Variants in WDR41 observed in about 807,000 individuals in gnomAD.
The protein encoded by WDR41 is WD repeat domain 41.
WDR41 carries 63 observed loss-of-function variants against 69.3 expected under a neutral mutation model. The ratio of observed to expected loss-of-function variants is 0.91; its 90% CI spans 0.74 to 1.12. WDR41 has a LOEUF of 1.12. Among genes scored for constraint, WDR41 ranks in the 50% most tolerant of loss-of-function variants. WDR41 has a pLI of 0.00. For missense variants in WDR41, 543 were observed against 534.5 expected (o/e 1.02, Z -0.16); for synonymous variants, 185 against 192.1 (o/e 0.96, Z 0.31).
At chr5:77,433,681 ACTCAATCCATAGGTGTT>A (rs1184424287) in intron 12 of WDR41, among the ~76,000 whole-genome samples, 2 of 152,192 alleles carry the variant, frequency 1.3e-5, no homozygotes, top group Non-Finnish European at 2.9e-5. Context: ...AAGTAGATAT[ACTCAATCCATAGGTGTT>A]AAGTGTCAGC....
chr5:77,477,266 G>A (rs530492305), intron 2 of WDR41, among the ~76,000 whole-genome samples: 8,046 of 150,730 alleles, frequency 0.053, 357 homozygotes, highest in Admixed American at 0.13. Flanking sequence ...ACAGATCAAC[G>A]AGACAGAAAG....
chr5:77,554,518 G>A (rs78162922), intron 1 of WDR41, among the ~76,000 whole-genome samples: 3 of 152,088 alleles, frequency 2.0e-5, no homozygotes, highest in East Asian at 1.9e-4. Context: ...CTAGGAGACA[G>A]GCCCTCTCCA....
At chr5:77,514,103 G>A (rs1478708424) in intron 1 of WDR41, among the ~76,000 whole-genome samples, 1 of 152,002 alleles carries the variant, frequency 6.6e-6, no homozygotes, top group Non-Finnish European at 1.5e-5. Flanking sequence ...AGTAATTATA[G>A]TACATTATAC....
intron 1 of WDR41, among the ~76,000 whole-genome samples, chr5:77,608,218 A>AG (rs1418908535): frequency 6.6e-6 from 1 of 152,226 alleles, no homozygotes; most frequent in African/African-American, 2.4e-5. Context: ...AATGTCCTCA[A>AG]GGTTCATCTA....
chr5:77,610,952 T>C (rs1337964483), intron 1 of WDR41, among the ~76,000 whole-genome samples: 1 of 151,976 alleles, frequency 6.6e-6, no homozygotes, highest in Non-Finnish European at 1.5e-5. Flanking sequence ...AATAAAAGGA[T>C]GGAGGAAGAT....
chr5:77,618,458 C>G (rs1744717885), intron 1 of WDR41, among the ~76,000 whole-genome samples: 1 of 152,044 alleles, frequency 6.6e-6, no homozygotes, highest in African/African-American at 2.4e-5. Flanking sequence ...CTGCAACCTA[C>G]GCCTCCTGAG....
At chr5:77,437,158 G>C (rs369574401) in intron 11 of WDR41, among the ~76,000 whole-genome samples, 178 bp downstream of exon 11, 1 of 152,114 alleles carries the variant, frequency 6.6e-6, no homozygotes, top group African/African-American at 2.4e-5. Context: ...TTCTACATTA[G>C]GGCAGTATTA....
chr5:77,609,526 T>C (rs918040741), intron 1 of WDR41, among the ~76,000 whole-genome samples: 1 of 152,214 alleles, frequency 6.6e-6, no homozygotes. Flanking sequence ...CAGCCACTGC[T>C]GCTGATACCC....
At chr5:77,464,697 T>C in intron 3 of WDR41, 64 bp downstream of exon 3, 2 of 1,474,508 alleles carry the variant, frequency 1.4e-6, no homozygotes, top group Non-Finnish European at 1.9e-6. Flanking sequence ...AGTATTTATA[T>C]GAATACATAC....
intron 1 of WDR41, among the ~76,000 whole-genome samples, chr5:77,535,882 T>C (rs1742963447): frequency 6.6e-6 from 1 of 152,206 alleles, no homozygotes; most frequent in African/African-American, 2.4e-5. Context: ...TGTAAGACAA[T>C]CTTAGCTCTA....
At chr5:77,618,042 T>C (rs1561241794) in intron 1 of WDR41, among the ~76,000 whole-genome samples, 1 of 152,144 alleles carries the variant, frequency 6.6e-6, no homozygotes, top group African/African-American at 2.4e-5. Context: ...TAATGAGGAA[T>C]AATGTTAATT....
At chr5:77,541,319 A>G (rs541838365) in intron 1 of WDR41, among the ~76,000 whole-genome samples, 1 of 152,144 alleles carries the variant, frequency 6.6e-6, no homozygotes, top group African/African-American at 2.4e-5. Context: ...TTCTCAAAAG[A>G]AGACATACAT....
intron 1 of WDR41, among the ~76,000 whole-genome samples, chr5:77,590,483 T>C (rs1744116851): frequency 6.6e-6 from 1 of 152,170 alleles, no homozygotes; most frequent in Non-Finnish European, 1.5e-5. Flanking sequence ...AAAGCAGCCT[T>C]ACAAGCCTCG....
At chr5:77,497,372 T>C (rs1198617076) in intron 1 of WDR41, among the ~76,000 whole-genome samples, 6 of 152,110 alleles carry the variant, frequency 3.9e-5, no homozygotes, top group Admixed American at 2.0e-4. Context: ...ACCTGTAATA[T>C]ATAAACATCT....
At chr5:77,504,395 C>T (rs1341940889) in intron 1 of WDR41, among the ~76,000 whole-genome samples, 1 of 151,966 alleles carries the variant, frequency 6.6e-6, no homozygotes, top group African/African-American at 2.4e-5. Flanking sequence ...GCCTACCAAC[C>T]AAAAAAAGTC....
chr5:77,442,443 C>T (rs1799201918), intron 8 of WDR41, among the ~76,000 whole-genome samples: 1 of 152,118 alleles, frequency 6.6e-6, no homozygotes, highest in African/African-American at 2.4e-5. Context: ...CATGTACACA[C>T]ATACATAGGC....
At chr5:77,465,455 C>T (rs1161868535) in intron 2 of WDR41, among the ~76,000 whole-genome samples, 1 of 152,060 alleles carries the variant, frequency 6.6e-6, no homozygotes, top group African/African-American at 2.4e-5. Context: ...ATCACAGGGA[C>T]AATCACCAAA....
At chr5:77,449,709 T>C (rs1799544651) in intron 8 of WDR41, 51 bp downstream of exon 8, 1 of 1,236,880 alleles carries the variant, frequency 8.1e-7, no homozygotes, top group Non-Finnish European at 1.2e-6. Context: ...CAGAGCAGGT[T>C]GTGTTAACAA....
intron 1 of WDR41, among the ~76,000 whole-genome samples, chr5:77,574,836 C>T (rs1172065229): frequency 6.6e-6 from 1 of 152,150 alleles, no homozygotes; most frequent in East Asian, 1.9e-4. Context: ...GTATTTTTCT[C>T]CTTGTCGTAG....
Sources: gnomAD v4.1 joint callset for allele counts (sites outside exome capture counted in the v4.1 genomes callset) on GRCh38, gnomAD v4.1.1 for gene constraint, MANE v1.5 for transcripts, NCBI Gene and HGNC (gene_info 2026-07-23, HGNC 2026-07-21) for gene names.